SPTLC2: variants seen among roughly 807,000 people sequenced by gnomAD.
The protein encoded by SPTLC2 is serine palmitoyltransferase long chain base subunit 2.
In SPTLC2, 21 loss-of-function variants were observed where a neutral mutation model predicts 62.0. The ratio of observed to expected loss-of-function variants is 0.34; its 90% CI spans 0.24 to 0.49. The LOEUF (loss-of-function observed/expected upper bound fraction) is 0.49, where lower values mean the gene tolerates loss of function less well. SPTLC2 is among the 20% of genes least tolerant of loss of function. SPTLC2 has a pLI of 0.99. For missense variants in SPTLC2, 511 were observed against 713.0 expected (o/e 0.72, Z 3.23); for synonymous variants, 261 against 261.8 (o/e 1.00, Z 0.03).
intron 6 of SPTLC2, among the ~76,000 whole-genome samples, chr14:77,559,685 T>A (rs1240631266): frequency 6.6e-6 from 1 of 151,816 alleles, no homozygotes; most frequent in East Asian, 1.9e-4. Context: ...AGCCTAAGAG[T>A]TCAAGACCAA....
At chr14:77,595,882 C>T (rs1313403523) in intron 2 of SPTLC2, among the ~76,000 whole-genome samples, 1 of 152,136 alleles carries the variant, frequency 6.6e-6, no homozygotes, top group East Asian at 1.9e-4. Flanking sequence ...TAAAAGACAA[C>T]CTTTTGCCAT....
intron 5 of SPTLC2, among the ~76,000 whole-genome samples, chr14:77,564,794 G>C (rs1249421713): frequency 1.3e-5 from 2 of 151,896 alleles, no homozygotes; most frequent in East Asian, 3.9e-4. Context: ...CAAAAAAGAA[G>C]CAATTGTGTT....
At chr14:77,555,550 A>C (rs1425036318) in intron 7 of SPTLC2, 31 bp from the exon 8 acceptor site, 1 of 1,593,744 alleles carries the variant, frequency 6.3e-7, no homozygotes, top group South Asian at 1.1e-5. Flanking sequence ...ATATATATAC[A>C]CATATACACT....
At chr14:77,540,774 C>T (rs1266644669) in intron 9 of SPTLC2, among the ~76,000 whole-genome samples, 1 of 152,032 alleles carries the variant, frequency 6.6e-6, no homozygotes, top group Non-Finnish European at 1.5e-5. Context: ...GCACCCAGCA[C>T]ATTTTATTAT....
At chr14:77,582,431 T>G (rs993094997) in intron 2 of SPTLC2, among the ~76,000 whole-genome samples, 8 of 152,184 alleles carry the variant, frequency 5.3e-5, no homozygotes, top group African/African-American at 1.4e-4. Context: ...AGAGAAATAT[T>G]TCCTTACAGA....
At chr14:77,574,375 G>C (rs1040129837) in intron 4 of SPTLC2, among the ~76,000 whole-genome samples, 1 of 152,148 alleles carries the variant, frequency 6.6e-6, no homozygotes, top group Non-Finnish European at 1.5e-5. Context: ...AAATGAATAG[G>C]AACCCTCATA....
chr14:77,550,451 G>A (rs1211748066), intron 9 of SPTLC2, among the ~76,000 whole-genome samples: 1 of 152,182 alleles, frequency 6.6e-6, no homozygotes, highest in Admixed American at 6.5e-5. Context: ...GCGCATGCCT[G>A]TAATCCCAGC....
At chr14:77,576,175 G>A (rs979679987) in intron 4 of SPTLC2, among the ~76,000 whole-genome samples, 7 of 152,130 alleles carry the variant, frequency 4.6e-5, no homozygotes, top group African/African-American at 1.7e-4. Context: ...TAACTTCCAG[G>A]GTTGTCAGTT....
chr14:77,610,022 T>C (rs1409301147), intron 1 of SPTLC2, among the ~76,000 whole-genome samples: 2 of 152,226 alleles, frequency 1.3e-5, no homozygotes, highest in East Asian at 3.8e-4. Context: ...GCTGCATCAT[T>C]TTATAATCCC....
chr14:77,602,146 T>G lies in SPTLC2; in HGVS notation c.133-4766A>C, dbSNP rs560996738. On this transcript the variant is annotated intron_variant, in intron 1 of 11. Coordinates refer to ENST00000216484, the MANE Select transcript of SPTLC2 (RefSeq NM_004863.4). The stretch of plus-strand genomic sequence containing the variant: ...ATAGCCTCTCTAGTGAATTCTCATC[T>G]ACTTAGGAGTTCTCAGCTAGACCTC... Among the ~76,000 whole-genome samples, 3 of 152,236 alleles carry G rather than the reference T, an allele frequency of 2.0e-5. No individual in the cohort carries two copies. The East Asian group carries it at 5.8e-4, about 29-fold the overall frequency.
chr14:77,553,321 G>T (rs1446204736), intron 8 of SPTLC2, among the ~76,000 whole-genome samples: 2 of 152,088 alleles, frequency 1.3e-5, no homozygotes, highest in African/African-American at 2.4e-5. Flanking sequence ...GTACTTTAAT[G>T]ATCTCCCAGA....
chr14:77,564,002 G>C (rs1594992070), intron 5 of SPTLC2, among the ~76,000 whole-genome samples: 2 of 152,000 alleles, frequency 1.3e-5, no homozygotes, highest in Admixed American at 6.6e-5. Context: ...CTGTAATCCT[G>C]GCAATTTGGG....
Position 77,528,762 on chromosome 14 carries a change from A to AT in SPTLC2, c.1304-7182dup, listed in dbSNP as rs1399520703. ...TATTTCATATCTCTTTCATTTAACA[A>AT]TTTTTTATAAGAATTGAAGCTAACT... is the stretch of plus-strand genomic sequence containing the variant. On this transcript the variant is annotated intron_variant, in intron 9 of 11. Coordinates refer to ENST00000216484, the MANE Select transcript of SPTLC2 (RefSeq NM_004863.4). Among the ~76,000 whole-genome samples the AT allele has an allele frequency of 7.2e-5, 11 of 152,250 alleles. No individual in the cohort carries two copies. In the East Asian group the frequency reaches 1.9e-3, roughly 27 times the overall value.
intron 9 of SPTLC2, among the ~76,000 whole-genome samples, chr14:77,523,051 G>A (rs1316398699): frequency 1.3e-5 from 2 of 152,306 alleles, no homozygotes; most frequent in African/African-American, 2.4e-5. Flanking sequence ...GCACTGAAGA[G>A]CATCATTTAT....
intron 9 of SPTLC2, among the ~76,000 whole-genome samples, chr14:77,530,730 C>T (rs1429973063): frequency 6.6e-6 from 1 of 152,136 alleles, no homozygotes; most frequent in African/African-American, 2.4e-5. Context: ...AGTGAGGTTA[C>T]ATATCTTAAA....
chr14:77,608,933 A>ATAC (rs1490515491), intron 1 of SPTLC2, among the ~76,000 whole-genome samples: 1 of 144,044 alleles, frequency 6.9e-6, no homozygotes, highest in Non-Finnish European at 1.5e-5. Context: ...AATAATAATA[A>ATAC]TAATAATAAT....
At chr14:77,564,237 A>AAG (rs1491106707) in intron 5 of SPTLC2, among the ~76,000 whole-genome samples, 1 of 2,474 alleles carries the variant, frequency 4.0e-4, no homozygotes, top group African/African-American at 6.3e-4. Context: ...GTCTGGGGGG[A>AAG]AAAAAAAAAA....
chr14:77,584,504 A>G (rs1257772964), intron 2 of SPTLC2, among the ~76,000 whole-genome samples: 2 of 120,554 alleles, frequency 1.7e-5, no homozygotes, highest in East Asian at 4.5e-4. Context: ...TACTCTGCAC[A>G]CTCTTAAGGA....
chr14:77,529,802 C>T (rs1307531357), intron 9 of SPTLC2, among the ~76,000 whole-genome samples: 3 of 151,134 alleles, frequency 2.0e-5, no homozygotes, highest in Admixed American at 1.3e-4. Flanking sequence ...TTTGTATTTT[C>T]AGTAGAGATG....
Sources: allele counts gnomAD v4.1 joint callset (sites outside exome capture counted in the v4.1 genomes callset), GRCh38; gene constraint gnomAD v4.1.1; transcripts MANE v1.5; gene names NCBI Gene and HGNC (gene_info 2026-07-23, HGNC 2026-07-21).